Variants in CRLF2 observed in about 807,000 individuals in gnomAD.
CRLF2 encodes the protein cytokine receptor-like factor 2.
In CRLF2, 41 loss-of-function variants were observed where a neutral mutation model predicts 38.7. The observed-to-expected ratio is 1.06, with a 90% CI of 0.83 to 1.37. The LOEUF (loss-of-function observed/expected upper bound fraction) is 1.37, where lower values mean the gene tolerates loss of function less well. Among genes scored for constraint, CRLF2 ranks in the 40% most tolerant of loss-of-function variants. The probability of loss-of-function intolerance (pLI) is 0.00; values close to 1 mark genes in which losing one functional copy is unlikely to be tolerated. For synonymous variants in CRLF2, 140 were observed against 128.8 expected, an observed-to-expected ratio of 1.09 and a Z score of -0.59; for missense variants, 377 against 322.2, an observed-to-expected ratio of 1.17 and a Z score of -1.30.
At chrX:1,201,242 C>A (rs9724484) in intron 4 of CRLF2, among the ~76,000 whole-genome samples, 77,276 of 151,530 alleles carry the variant, frequency 0.51, 20,114 homozygotes, top group East Asian at 0.68. Flanking sequence ...TGATGACCAA[C>A]AGGTCGTTAG....
chrX:1,206,738 G>C, intron 2 of CRLF2, 139 bp from the exon 3 acceptor site: 1 of 739,638 alleles, frequency 1.4e-6, no homozygotes, highest in Non-Finnish European at 2.3e-6. Context: ...TGCCTCCCGG[G>C]TTCAAGCAAT....
intron 6 of CRLF2, 137 bp downstream of exon 6, chrX:1,196,643 A>T: frequency 8.8e-7 from 1 of 1,133,840 alleles, no homozygotes; most frequent in Non-Finnish European, 1.2e-6. Flanking sequence ...CTTATAATCC[A>T]CCATCAGAAG....
In CRLF2 at chrX:1,198,736, TACAC is replaced by T. The variant is rs371174830; in HGVS notation, c.484-16_484-13del. 9,281 of 818,824 alleles carry T rather than the reference TACAC, an allele frequency of 0.011. 465 individuals are homozygous for T. Among genetic ancestry groups the T allele is most frequent in the African/African-American group, 0.043 (2,244 of 52,014 alleles). 50.7% of individuals were successfully genotyped at this position (818,824 alleles called of 1,614,324 possible). A position where few individuals can be genotyped will look rare whatever the true frequency, so the allele number is the denominator to read the frequency against. ...TTTTCCTGTTTGGACTGGAGAAACA[TACAC>T]ACACACACACACACACACACACACA... On this transcript the variant is annotated splice_polypyrimidine_tract_variant and intron_variant, in intron 4 of 7. Coordinates refer to ENST00000400841, the MANE Select transcript of CRLF2 (RefSeq NM_022148.4).
intron 1 of CRLF2, among the ~76,000 whole-genome samples, chrX:1,210,532 C>A (rs1468526070): frequency 6.6e-6 from 1 of 151,968 alleles, no homozygotes; most frequent in Non-Finnish European, 1.5e-5. Context: ...GGATGGTCTC[C>A]ATCTCCTGAC....
chrX:1,200,343 GAT>G (rs1335442603), intron 4 of CRLF2, among the ~76,000 whole-genome samples: 4 of 150,152 alleles, frequency 2.7e-5, no homozygotes, highest in African/African-American at 9.8e-5. Flanking sequence ...GTGTATATAA[GAT>G]GTGTATGTAC....
At chrX:1,212,362 A>C (rs1360148546) in intron 1 of CRLF2, among the ~76,000 whole-genome samples, 194 bp downstream of exon 1, 1 of 150,466 alleles carries the variant, frequency 6.6e-6, no homozygotes, top group Non-Finnish European at 1.5e-5. Context: ...TTTACTTATA[A>C]ATATGTTTTG....
chrX:1,205,920 G>C, intron 3 of CRLF2, among the ~76,000 whole-genome samples: 1 of 151,904 alleles, frequency 6.6e-6, no homozygotes, highest in East Asian at 1.9e-4. Context: ...GGTAATCATG[G>C]ATCCGGTAAT....
intron 1 of CRLF2, among the ~76,000 whole-genome samples, chrX:1,211,805 G>A (rs1224352865): frequency 2.7e-5 from 2 of 74,914 alleles, no homozygotes; most frequent in Admixed American, 1.4e-4. Context: ...GGATGGATGG[G>A]TGGATGGATG....
In CRLF2 at chrX:1,210,122, AAAAG is replaced by A. The variant is rs1451729117; in HGVS notation, c.80-1218_80-1215del. 8.2e-3 allele frequency among the ~76,000 whole-genome samples: 403 copies of A among 48,910 alleles called. 20 individuals are homozygous for A. In the East Asian group the frequency reaches 0.11, roughly 13 times the overall value. The allele number at this position is 48,910 out of a possible 152,430, so 32.1% of individuals were successfully genotyped here. On this transcript the variant is annotated intron_variant, in intron 1 of 7. Transcript: ENST00000400841. The stretch of plus-strand genomic sequence containing the variant: ...CCCTATCAAAAAAAAAAAAGAAAAG[AAAAG>A]AAAAGAAAAGAAAAGAAAAGAAATG...
Position 1,198,575 on chromosome X carries a change from T to G in CRLF2, c.633A>C (p.Arg211Ser). ...AACAAGCATTACCCCGAATCTCGCC[T>G]CTCTGCCAGCATGTCACCTCTGACC... ...SDWSEVTCWQ[R>S]GEIRDACAET... Residue 211 changes from arginine (R) to serine (S), a missense_variant, in exon 5 of 8, where the codon AGA becomes AGC. By Grantham distance (110) the Arg-to-Ser change is moderately radical. Coordinates refer to ENST00000400841, the MANE Select transcript of CRLF2 (RefSeq NM_022148.4). 1.2e-6 allele frequency: 2 copies of G among 1,613,632 alleles called. No individual in the cohort carries two copies. Among genetic ancestry groups the G allele is most frequent in the Non-Finnish European group, 1.7e-6 (2 of 1,179,682 alleles).
intron 6 of CRLF2, among the ~76,000 whole-genome samples, chrX:1,194,440 T>C (rs1287351302): frequency 0.88 from 134,066 of 151,952 alleles, 59,509 homozygotes; most frequent in African/African-American, 0.97. Context: ...CCAGCCTGGG[T>C]GACAGAGTGA....
In CRLF2 at chrX:1,198,629, T is replaced by A; in HGVS notation, c.579A>T (p.Val193=). The change falls in exon 5 of 8, where the codon GTA becomes GTT. Residue 193 remains valine (V), a synonymous_variant. Coordinates refer to ENST00000400841, the MANE Select transcript of CRLF2 (RefSeq NM_022148.4). The stretch of plus-strand genomic sequence containing the variant: ...CGCTTGGGTATGTGTCTGGCCCATA[T>A]ACATCCTCCATAGCCTTCACCCTGA... ...FWVRVKAMED[V]YGPDTYPSDW... 1 of 1,613,638 alleles carries A rather than the reference T, an allele frequency of 6.2e-7. No individual in the cohort carries two copies. Among genetic ancestry groups the A allele is most frequent in the South Asian group, 1.1e-5 (1 of 91,066 alleles).
At chrX:1,194,638 C>T (rs1425459264) in intron 6 of CRLF2, among the ~76,000 whole-genome samples, 8 of 152,026 alleles carry the variant, frequency 5.3e-5, no homozygotes, top group Non-Finnish European at 7.4e-5. Flanking sequence ...GACCTCACAA[C>T]GAGACTATAT....
chrX:1,206,693 A>G, intron 2 of CRLF2, 94 bp from the exon 3 acceptor site: 3 of 1,242,992 alleles, frequency 2.4e-6, no homozygotes, highest in Non-Finnish European at 2.3e-6. Flanking sequence ...CCCAGGTTGG[A>G]GTGCAATGGC....
intron 1 of CRLF2, among the ~76,000 whole-genome samples, chrX:1,210,318 C>T (rs2086775084): frequency 6.6e-6 from 1 of 151,724 alleles, no homozygotes; most frequent in Non-Finnish European, 1.5e-5. Context: ...AGCCAAGTCT[C>T]TTTTTTTTAT....
At position 1,191,684 on chromosome X, in the gene CRLF2, A is replaced by G. The variant is rs1189823762; in HGVS notation, c.853-524T>C. Among the ~76,000 whole-genome samples, 68 of 151,600 alleles carry G rather than the reference A, an allele frequency of 4.5e-4. 1 individual carries two copies. Among genetic ancestry groups the G allele is most frequent in the African/African-American group, 1.5e-3 (64 of 41,374 alleles). ...GTAGCTGGGATTACAGACGTGCACCACCACACACGGCTAATTTTGTATTTT... is the reference window on the plus strand; with the variant it reads ...GTAGCTGGGATTACAGACGTGCACCGCCACACACGGCTAATTTTGTATTTT... On this transcript the variant is annotated intron_variant, in intron 7 of 7. Coordinates refer to ENST00000400841, the MANE Select transcript of CRLF2 (RefSeq NM_022148.4).
At chrX:1,204,426 C>T (rs2086658883) in intron 3 of CRLF2, among the ~76,000 whole-genome samples, 1 of 151,682 alleles carries the variant, frequency 6.6e-6, no homozygotes, top group South Asian at 2.1e-4. Flanking sequence ...TGGAGTTTCT[C>T]CATGTTGGTC....
intron 5 of CRLF2, among the ~76,000 whole-genome samples, chrX:1,197,514 C>G (rs1368865381): frequency 6.6e-6 from 1 of 151,948 alleles, no homozygotes; most frequent in African/African-American, 2.4e-5. Flanking sequence ...AAATCATGCC[C>G]CCTGAAAACA....
chrX:1,202,619 G>A, intron 3 of CRLF2, 84 bp from the exon 4 acceptor site: 1 of 1,504,970 alleles, frequency 6.6e-7, no homozygotes, highest in Non-Finnish European at 9.1e-7. Flanking sequence ...TCTCTAGCCT[G>A]TACCCCTCCT....
Sources: gnomAD v4.1 joint callset for allele counts (sites outside exome capture counted in the v4.1 genomes callset) on GRCh38, gnomAD v4.1.1 for gene constraint, MANE v1.5 for transcripts, NCBI Gene and HGNC (gene_info 2026-07-23, HGNC 2026-07-21) for gene names.